Variants in PAN3 observed in about 807,000 individuals in gnomAD.
The protein encoded by PAN3 is PAN2-PAN3 deadenylation complex subunit PAN3.
A neutral mutation model predicts 96.2 loss-of-function variants in PAN3; 19 were observed. The observed-to-expected ratio is 0.20, with a 90% CI of 0.14 to 0.29. The LOEUF is 0.29. Among genes scored for constraint, PAN3 ranks in the 10% least tolerant of loss-of-function variants. The probability of loss-of-function intolerance (pLI) is 1.00; values close to 1 mark genes in which losing one functional copy is unlikely to be tolerated. For missense variants in PAN3, 882 were observed against 1,108.1 expected (o/e 0.80, Z 2.90); for synonymous variants, 433 against 406.6 (o/e 1.06, Z -0.78).
chr13:28,236,263 TG>T (rs1162621593), intron 6 of PAN3, among the ~76,000 whole-genome samples: 1 of 151,914 alleles, frequency 6.6e-6, no homozygotes, highest in Non-Finnish European at 1.5e-5. Context: ...GATCTCATGC[TG>T]GTTCCAGTGA....
intron 6 of PAN3, among the ~76,000 whole-genome samples, chr13:28,238,715 A>G (rs1210860188): frequency 6.6e-6 from 1 of 152,226 alleles, no homozygotes; most frequent in Non-Finnish European, 1.5e-5. Flanking sequence ...AAAAACTTTC[A>G]GTCTAATTCA....
intron 1 of PAN3, among the ~76,000 whole-genome samples, chr13:28,156,992 C>CAAAAAAAAAAA (rs35448291): frequency 5.4e-5 from 1 of 18,448 alleles, no homozygotes; most frequent in African/African-American, 1.7e-4. Flanking sequence ...GAGACCCTGT[C>CAAAAAAAAAAA]AAAAAAAAAA....
intron 18 of PAN3, among the ~76,000 whole-genome samples, chr13:28,289,726 A>AC (rs1566265467): frequency 6.6e-6 from 1 of 152,156 alleles, no homozygotes; most frequent in Non-Finnish European, 1.5e-5. Context: ...CTAAAAAATT[A>AC]AAAAAGTTAG....
At chr13:28,176,256 C>T (rs1174884443) in intron 2 of PAN3, among the ~76,000 whole-genome samples, 1 of 152,078 alleles carries the variant, frequency 6.6e-6, no homozygotes, top group Admixed American at 6.6e-5. Context: ...AAGCACAATT[C>T]AAAATAGGTC....
chr13:28,169,717 C>T (rs944762418), intron 1 of PAN3, among the ~76,000 whole-genome samples: 2 of 151,970 alleles, frequency 1.3e-5, no homozygotes, highest in African/African-American at 2.4e-5. Flanking sequence ...AAAAGTCAAA[C>T]GTAAGTATAT....
intron 4 of PAN3, among the ~76,000 whole-genome samples, chr13:28,181,556 G>A (rs758009132): frequency 6.6e-5 from 10 of 150,878 alleles, no homozygotes; most frequent in Non-Finnish European, 1.2e-4. Flanking sequence ...AGTACAGAAG[G>A]GTCACAGCCA....
rs759131514 is a variant in PAN3 at position 28,177,909 on chromosome 13, G to A, written c.664G>A (p.Ala222Thr). 41 of 1,612,310 alleles carry A rather than the reference G, an allele frequency of 2.5e-5. No individual in the cohort carries two copies. The highest frequency in any genetic ancestry group is 3.4e-5 in the Non-Finnish European group (40 of 1,178,786). ...PASSLFNDFG[A>T]LNISQRRKPR... ...TTCATCCTTGTTTAATGACTTTGGT[G>A]CCCTCAACATCTCTCAGAGACGAAA... Residue 222 changes from alanine (A) to threonine (T), a missense_variant, in exon 4 of 19, where the codon GCC (alanine) becomes ACC (threonine). Around this residue, in one of 3 missense-constraint regions of PAN3, gnomAD observed 442 missense variants for 422.8 expected, o/e 1.05. Transcript: ENST00000380958.
chr13:28,238,673 T>C (rs955526971), intron 6 of PAN3, among the ~76,000 whole-genome samples: 2 of 152,244 alleles, frequency 1.3e-5, no homozygotes, highest in African/African-American at 4.8e-5. Context: ...TGATTCTGTC[T>C]GGATGCAGGC....
chr13:28,238,756 T>G (rs922411738), intron 6 of PAN3, among the ~76,000 whole-genome samples: 1 of 152,246 alleles, frequency 6.6e-6, no homozygotes, highest in Non-Finnish European at 1.5e-5. Context: ...TTCAGTGTTA[T>G]GAAATTAGCT....
chr13:28,251,058 C>G (rs1421993679), intron 6 of PAN3, among the ~76,000 whole-genome samples: 2 of 151,602 alleles, frequency 1.3e-5, no homozygotes, highest in Non-Finnish European at 2.9e-5. Flanking sequence ...TTTATTGTTT[C>G]ACTCTTTGAT....
chr13:28,207,845 GATACATTGT>G (rs1879559778), intron 5 of PAN3, among the ~76,000 whole-genome samples: 1 of 152,128 alleles, frequency 6.6e-6, no homozygotes. Flanking sequence ...TTGGGTTCAG[GATACATTGT>G]ATACCTGTGA....
chr13:28,270,636 G>T lies in PAN3; in HGVS notation c.1793-65G>T, dbSNP rs1886535426. On this transcript the variant is annotated intron_variant, in intron 12 of 18. Coordinates refer to ENST00000380958, the MANE Select transcript of PAN3 (RefSeq NM_175854.8). ...ATGAATTGTCTTTGCTAATTTTGAT[G>T]TTAATGCTTTAGTCTTTTAGTTGAT... is the stretch of plus-strand genomic sequence containing the variant. The T allele has an allele frequency of 1.4e-5, 21 of 1,520,978 alleles. No homozygotes were observed. In the South Asian group the frequency reaches 2.1e-4, roughly 15 times the overall value. The allele number at this position is 1,520,978 out of a possible 1,614,324, so 94.2% of individuals were successfully genotyped here.
intron 17 of PAN3, among the ~76,000 whole-genome samples, chr13:28,287,034 C>A (rs954401315): frequency 4.6e-5 from 7 of 152,142 alleles, no homozygotes; most frequent in Non-Finnish European, 1.0e-4. Flanking sequence ...CCCTTACCCT[C>A]CCTCTCCGTG....
chr13:28,198,916 T>C (rs1474588407), intron 5 of PAN3, among the ~76,000 whole-genome samples: 1 of 152,236 alleles, frequency 6.6e-6, no homozygotes, highest in African/African-American at 2.4e-5. Flanking sequence ...ATAAATAAAT[T>C]ATTCCAAAAG....
intron 5 of PAN3, among the ~76,000 whole-genome samples, chr13:28,218,407 C>A (rs1881039030): frequency 6.6e-6 from 1 of 152,078 alleles, no homozygotes; most frequent in Non-Finnish European, 1.5e-5. Flanking sequence ...ACTCTCAAAT[C>A]ACCAAATCAA....
At chr13:28,194,466 A>ATATATATATATTTTTTT (rs1429166016) in intron 4 of PAN3, among the ~76,000 whole-genome samples, 7 of 122,112 alleles carry the variant, frequency 5.7e-5, no homozygotes, top group African/African-American at 2.5e-4. Flanking sequence ...ATATATATAT[A>ATATATATATATTTTTTT]TTTTTTTTTT....
chr13:28,269,105 T>C (rs1050602189), intron 12 of PAN3, among the ~76,000 whole-genome samples: 11 of 152,164 alleles, frequency 7.2e-5, no homozygotes, highest in African/African-American at 2.7e-4. Context: ...CATTTCAGAA[T>C]GTTTATAGTG....
At chr13:28,148,157 T>C (rs1233202399) in intron 1 of PAN3, among the ~76,000 whole-genome samples, 1 of 152,114 alleles carries the variant, frequency 6.6e-6, no homozygotes, top group Non-Finnish European at 1.5e-5. Flanking sequence ...GGTCTCCCTG[T>C]GTTTCCCAGG....
intron 6 of PAN3, among the ~76,000 whole-genome samples, chr13:28,250,957 C>T (rs1005368224): frequency 1.3e-5 from 2 of 152,128 alleles, no homozygotes. Flanking sequence ...TATCTCTTAA[C>T]TGCTCTTTTA....
Sources: allele counts gnomAD v4.1 joint callset (sites outside exome capture counted in the v4.1 genomes callset), GRCh38; gene constraint gnomAD v4.1.1; regional missense constraint gnomAD v4.1.1; transcripts MANE v1.5; gene names NCBI Gene and HGNC (gene_info 2026-07-23, HGNC 2026-07-21).